STS: variants seen among roughly 807,000 people sequenced by gnomAD.
STS encodes steryl-sulfatase.
STS carries 7 observed loss-of-function variants against 26.8 expected under a neutral mutation model. The ratio of observed to expected loss-of-function variants is 0.26; its 90% CI spans 0.15 to 0.49. The LOEUF is 0.49. Among genes scored for constraint, STS ranks in the 20% least tolerant of loss-of-function variants. STS has a pLI of 0.98. For synonymous variants in STS, 199 were observed against 189.4 expected, an observed-to-expected ratio of 1.05 and a Z score of -0.42; for missense variants, 434 against 465.6, an observed-to-expected ratio of 0.93 and a Z score of 0.63.
At chrX:7,189,568 A>G (rs948269022) in intron 1 of STS, among the ~76,000 whole-genome samples, 9 of 111,978 alleles carry the variant, frequency 8.0e-5, no homozygotes, top group Admixed American at 3.8e-4. Flanking sequence ...CCAAAATAAT[A>G]TCCTTTTTTC....
chrX:7,224,187 A>G (rs888497588), intron 2 of STS, among the ~76,000 whole-genome samples: 1 of 111,613 alleles, frequency 9.0e-6, no homozygotes, highest in African/African-American at 3.3e-5. Flanking sequence ...CTTCAATGAG[A>G]AAAGTAGGTG....
chrX:7,269,654 A>G (rs1924174593), intron 6 of STS, among the ~76,000 whole-genome samples: 1 of 111,157 alleles, frequency 9.0e-6, no homozygotes, highest in South Asian at 3.9e-4. Context: ...GTGTCAGCAG[A>G]ACATTTGCTT....
At position 7,325,518 on chromosome X, in the gene STS, G is replaced by A. The variant is rs201259692; in HGVS notation, c.1241+20G>A. On this transcript the variant is annotated intron_variant, in intron 9 of 10. Transcript: ENST00000674429. The stretch of plus-strand genomic sequence containing the variant: ...GGACAGGTACTCTGATGCCAGGGTG[G>A]TTGGTATTGTTGAGCTCTGATTTCA... 5 of 1,207,140 alleles carry A rather than the reference G, an allele frequency of 4.1e-6. No individual in the cohort carries two copies. Among genetic ancestry groups the A allele is most frequent in the Admixed American group, 2.2e-5 (1 of 45,718 alleles).
intron 2 of STS, among the ~76,000 whole-genome samples, chrX:7,244,993 T>C (rs1922798262): frequency 8.9e-6 from 1 of 112,324 alleles, no homozygotes; most frequent in Non-Finnish European, 1.9e-5. Context: ...ATTTATTTCC[T>C]GTATCAACTG....
At chrX:7,237,722 G>A (rs1310209863) in intron 2 of STS, among the ~76,000 whole-genome samples, 5 of 110,917 alleles carry the variant, frequency 4.5e-5, no homozygotes, top group African/African-American at 1.6e-4. Flanking sequence ...GTGTGGTTGT[G>A]TTACATGAAT....
At chrX:7,241,571 AAATAAGTT>A (rs1922621418) in intron 2 of STS, among the ~76,000 whole-genome samples, 1 of 112,212 alleles carries the variant, frequency 8.9e-6, no homozygotes. Flanking sequence ...CATGTTCTTA[AAATAAGTT>A]CAACATGACA....
At chrX:7,279,938 C>G (rs1293709788) in intron 7 of STS, among the ~76,000 whole-genome samples, 1 of 111,780 alleles carries the variant, frequency 8.9e-6, no homozygotes, top group Non-Finnish European at 1.9e-5. Flanking sequence ...GTGAGGCTTG[C>G]AGGTTAGGTA....
chrX:7,148,379 C>G (rs1201082364), intron 1 of STS, among the ~76,000 whole-genome samples: 1 of 112,856 alleles, frequency 8.9e-6, no homozygotes, highest in Non-Finnish European at 1.9e-5. Context: ...CGCATCAATT[C>G]CTCCTCACTT....
chrX:7,289,855 A>G (rs1472040191), intron 7 of STS, among the ~76,000 whole-genome samples: 1 of 110,992 alleles, frequency 9.0e-6, no homozygotes, highest in Admixed American at 9.6e-5. Flanking sequence ...GGGTTTTACT[A>G]TGTTGCCCGG....
intron 7 of STS, among the ~76,000 whole-genome samples, chrX:7,284,943 ATGCTGATGATGG>A (rs1198409320): frequency 1.7e-4 from 19 of 110,909 alleles, no homozygotes; most frequent in Non-Finnish European, 2.6e-4. Context: ...GATGGTGGTG[ATGCTGATGATGG>A]TGATGATGAT....
At chrX:7,240,560 A>C (rs1922568098) in intron 2 of STS, among the ~76,000 whole-genome samples, 1 of 91,878 alleles carries the variant, frequency 1.1e-5, no homozygotes, top group Non-Finnish European at 2.1e-5. Flanking sequence ...TATAAAATGG[A>C]TCCCTTCTAT....
intron 8 of STS, among the ~76,000 whole-genome samples, chrX:7,309,338 T>A (rs1218980221): frequency 9.1e-6 from 1 of 110,450 alleles, no homozygotes; most frequent in Non-Finnish European, 1.9e-5. Flanking sequence ...GAGAGCTAAA[T>A]GATGAGAACT....
chrX:7,242,523 C>T (rs1922672656), intron 2 of STS, among the ~76,000 whole-genome samples: 1 of 108,678 alleles, frequency 9.2e-6, no homozygotes, highest in African/African-American at 3.4e-5. Context: ...TTGCTTGAGC[C>T]CGGGAGGTTG....
chrX:7,279,311 A>ATATGTG (rs1445736078), intron 7 of STS, among the ~76,000 whole-genome samples: 967 of 78,018 alleles, frequency 0.012, 10 homozygotes, highest in Middle Eastern at 0.029. Flanking sequence ...ATATATATAT[A>ATATGTG]TGTGTGTGTG....
intron 2 of STS, among the ~76,000 whole-genome samples, chrX:7,214,160 A>G (rs184903599): frequency 1.2e-4 from 13 of 112,485 alleles, no homozygotes; most frequent in Non-Finnish European, 2.4e-4. Flanking sequence ...TGCCTGATAC[A>G]TGGTAGGAAG....
chrX:7,265,968 C>T (rs1193134723), intron 6 of STS, among the ~76,000 whole-genome samples: 1 of 112,000 alleles, frequency 8.9e-6, no homozygotes, highest in Admixed American at 9.5e-5. Context: ...TCTGAAGACA[C>T]ATTTATATGT....
intron 7 of STS, among the ~76,000 whole-genome samples, chrX:7,302,672 C>A (rs1281581320): frequency 5.4e-5 from 6 of 111,798 alleles, no homozygotes; most frequent in African/African-American, 2.0e-4. Flanking sequence ...TTGGTTGTTG[C>A]TTTTGCATCA....
At chrX:7,298,673 T>C (rs1925779267) in intron 7 of STS, among the ~76,000 whole-genome samples, 1 of 110,788 alleles carries the variant, frequency 9.0e-6, no homozygotes, top group Non-Finnish European at 1.9e-5. Context: ...CCTAGCATTT[T>C]ATATGGCCAG....
At chrX:7,239,948 G>A (rs1018972683) in intron 2 of STS, among the ~76,000 whole-genome samples, 4 of 101,974 alleles carry the variant, frequency 3.9e-5, no homozygotes, top group South Asian at 5.0e-4. Flanking sequence ...GTTGTGTCTC[G>A]ATCTCGGCTC....
Sources: allele counts gnomAD v4.1 joint callset (sites outside exome capture counted in the v4.1 genomes callset), GRCh38; gene constraint gnomAD v4.1.1; transcripts MANE v1.5; gene names NCBI Gene and HGNC (gene_info 2026-07-23, HGNC 2026-07-21).